ZNF804A: variants seen among roughly 807,000 people sequenced by gnomAD.
ZNF804A encodes the protein zinc finger protein 804A.
In ZNF804A, 2 loss-of-function variants were observed where a neutral mutation model predicts 16.5. That is an observed-to-expected ratio of 0.12 (90% CI 0.05 to 0.38). ZNF804A has a LOEUF of 0.38. Among genes scored for constraint, ZNF804A ranks in the 10% least tolerant of loss-of-function variants. ZNF804A has a pLI of 0.99. For synonymous variants in ZNF804A, 534 were observed against 489.6 expected, an observed-to-expected ratio of 1.09 and a Z score of -1.20; for missense variants, 1,473 against 1,390.7, an observed-to-expected ratio of 1.06 and a Z score of -0.94.
intron 1 of ZNF804A, among the ~76,000 whole-genome samples, chr2:184,635,194 TCAA>T (rs1157835895): frequency 1.3e-5 from 2 of 152,298 alleles, no homozygotes; most frequent in Non-Finnish European, 2.9e-5. Context: ...ATATATACAT[TCAA>T]CAAGACAGCT....
intron 1 of ZNF804A, among the ~76,000 whole-genome samples, chr2:184,641,420 A>C (rs1295361740): frequency 6.6e-6 from 1 of 152,178 alleles, no homozygotes; most frequent in Non-Finnish European, 1.5e-5. Context: ...GATGAAATTG[A>C]CTAGGAAGAG....
intron 1 of ZNF804A, among the ~76,000 whole-genome samples, chr2:184,822,645 A>T (rs1695101581): frequency 6.6e-6 from 1 of 152,062 alleles, no homozygotes; most frequent in Admixed American, 6.6e-5. Context: ...TTTTTTTGAG[A>T]TTTATTTTTA....
intron 1 of ZNF804A, among the ~76,000 whole-genome samples, chr2:184,679,864 C>A (rs1278691834): frequency 1.3e-5 from 2 of 152,150 alleles, no homozygotes; most frequent in Non-Finnish European, 2.9e-5. Flanking sequence ...CGGCAGGGAG[C>A]AGATGGGCTC....
intron 1 of ZNF804A, among the ~76,000 whole-genome samples, chr2:184,815,469 G>A (rs1051766075): frequency 6.6e-6 from 1 of 151,436 alleles, no homozygotes; most frequent in Admixed American, 6.6e-5. Flanking sequence ...AAACATAAAT[G>A]GACATTATAA....
intron 2 of ZNF804A, among the ~76,000 whole-genome samples, chr2:184,897,759 G>GT (rs925381673): frequency 6.6e-6 from 1 of 151,964 alleles, no homozygotes; most frequent in Non-Finnish European, 1.5e-5. Context: ...TCTTTCCATT[G>GT]TTTTTTGTAT....
At chr2:184,836,109 T>C (rs1268562914) in intron 1 of ZNF804A, among the ~76,000 whole-genome samples, 1 of 152,174 alleles carries the variant, frequency 6.6e-6, no homozygotes, top group African/African-American at 2.4e-5. Context: ...TAATACTTAC[T>C]GGATTGCTGT....
At chr2:184,893,235 T>G (rs1685014921) in intron 2 of ZNF804A, among the ~76,000 whole-genome samples, 1 of 152,126 alleles carries the variant, frequency 6.6e-6, no homozygotes, top group Non-Finnish European at 1.5e-5. Flanking sequence ...TAAATGTGTT[T>G]GCTCCCTGAT....
chr2:184,682,072 A>C (rs1043780738), intron 1 of ZNF804A, among the ~76,000 whole-genome samples: 4 of 152,188 alleles, frequency 2.6e-5, no homozygotes, highest in African/African-American at 9.6e-5. Flanking sequence ...AAGCTTAGGG[A>C]GGGAGACCAG....
intron 1 of ZNF804A, among the ~76,000 whole-genome samples, chr2:184,671,072 G>A (rs1252133166): frequency 6.6e-6 from 1 of 152,116 alleles, no homozygotes; most frequent in Non-Finnish European, 1.5e-5. Flanking sequence ...GAACTGGTTT[G>A]CCTGCCTAAA....
chr2:184,646,305 C>T (rs1476950189), intron 1 of ZNF804A, among the ~76,000 whole-genome samples: 1 of 152,194 alleles, frequency 6.6e-6, no homozygotes, highest in Non-Finnish European at 1.5e-5. Flanking sequence ...GCTACTACAG[C>T]TGTAGTTTCT....
intron 1 of ZNF804A, among the ~76,000 whole-genome samples, chr2:184,699,094 AG>A (rs1279816555): frequency 6.6e-6 from 1 of 152,110 alleles, no homozygotes; most frequent in African/African-American, 2.4e-5. Flanking sequence ...AACTAAAGAA[AG>A]CAGGAATGGA....
At chr2:184,924,026 T>C (rs907796197) in intron 2 of ZNF804A, among the ~76,000 whole-genome samples, 1 of 151,844 alleles carries the variant, frequency 6.6e-6, no homozygotes, top group Non-Finnish European at 1.5e-5. Flanking sequence ...TGTGTGTGTG[T>C]GTGTGTGTAT....
chr2:184,608,537 T>C (rs766954169), intron 1 of ZNF804A, among the ~76,000 whole-genome samples: 6 of 152,192 alleles, frequency 3.9e-5, no homozygotes, highest in Admixed American at 1.3e-4. Flanking sequence ...TCAAATGTGA[T>C]TGTGGAGTGG....
At chr2:184,683,167 G>A (rs1231465335) in intron 1 of ZNF804A, among the ~76,000 whole-genome samples, 1 of 152,044 alleles carries the variant, frequency 6.6e-6, no homozygotes, top group African/African-American at 2.4e-5. Context: ...TCTCTGTGTT[G>A]CAGGTGTTGT....
intron 2 of ZNF804A, among the ~76,000 whole-genome samples, chr2:184,919,112 G>C (rs1559002557): frequency 6.6e-6 from 1 of 152,164 alleles, no homozygotes; most frequent in Non-Finnish European, 1.5e-5. Context: ...AATGCTGTGT[G>C]TGGAATATCA....
intron 3 of ZNF804A, among the ~76,000 whole-genome samples, chr2:184,934,097 G>A (rs537171006): frequency 6.6e-6 from 1 of 152,204 alleles, no homozygotes; most frequent in South Asian, 2.1e-4. Flanking sequence ...AGAGTTTTTA[G>A]AGATACTTTT....
chr2:184,764,957 A>C (rs1269668028), intron 1 of ZNF804A, among the ~76,000 whole-genome samples: 1 of 151,340 alleles, frequency 6.6e-6, no homozygotes, highest in Non-Finnish European at 1.5e-5. Flanking sequence ...TTTAGAAAAC[A>C]AAAAAAAACT....
At chr2:184,649,575 A>T (rs1313990119) in intron 1 of ZNF804A, among the ~76,000 whole-genome samples, 1 of 152,062 alleles carries the variant, frequency 6.6e-6, no homozygotes, top group Non-Finnish European at 1.5e-5. Context: ...ACAATAAAAA[A>T]TGACAAAGGT....
chr2:184,640,852 A>G (rs1691785025), intron 1 of ZNF804A, among the ~76,000 whole-genome samples: 2 of 152,232 alleles, frequency 1.3e-5, no homozygotes, highest in African/African-American at 4.8e-5. Flanking sequence ...TGAAAAATCC[A>G]CAATTTACAT....
Sources: allele counts gnomAD v4.1 joint callset (sites outside exome capture counted in the v4.1 genomes callset), GRCh38; gene constraint gnomAD v4.1.1; transcripts MANE v1.5; gene names NCBI Gene and HGNC (gene_info 2026-07-23, HGNC 2026-07-21).